FLT1: variants seen among roughly 807,000 people sequenced by gnomAD.
FLT1 encodes fms related receptor tyrosine kinase 1, also known as vascular endothelial growth factor receptor 1.
Under a neutral mutation model 156.3 loss-of-function variants are expected in FLT1, and 49 were observed. The observed-to-expected ratio is 0.31, with a 90% CI of 0.25 to 0.40. FLT1 has a LOEUF of 0.40. Among genes scored for constraint, FLT1 ranks in the 10% least tolerant of loss-of-function variants. The pLI is 1.00. For missense variants in FLT1, 1,322 were observed against 1,637.2 expected (o/e 0.81, Z 3.32); for synonymous variants, 594 against 583.8 (o/e 1.02, Z -0.25).
intron 1 of FLT1, among the ~76,000 whole-genome samples, chr13:28,480,962 T>C (rs1880802653): frequency 6.6e-6 from 1 of 152,260 alleles, no homozygotes; most frequent in Non-Finnish European, 1.5e-5. Context: ...CAGGACTTCA[T>C]GTTCTTAACG....
In FLT1 at chr13:28,484,524, G is replaced by A. The variant is rs188397570; in HGVS notation, c.64+10256C>T. 5.4e-3 allele frequency among the ~76,000 whole-genome samples: 821 copies of A among 152,264 alleles called. 10 individuals are homozygous for A. Among genetic ancestry groups the A allele is most frequent in the African/African-American group, 0.018 (768 of 41,536 alleles). On this transcript the variant is annotated intron_variant, in intron 1 of 29. Transcript: ENST00000282397. Reference sequence around the variant, plus strand: ...TTTTGGGAGGTCCTTGAATGCCTACGATAAGAAAACTCACATGATTAAAAT... The same window carrying A: ...TTTTGGGAGGTCCTTGAATGCCTACAATAAGAAAACTCACATGATTAAAAT...
At chr13:28,431,033 A>C in intron 7 of FLT1, 103 bp downstream of exon 7, 1 of 1,018,840 alleles carries the variant, frequency 9.8e-7, no homozygotes, top group Non-Finnish European at 1.6e-6. Flanking sequence ...CATTCATGAT[A>C]ATGTAACTCT....
rs1022180794 is a variant in FLT1, at chr13:28,363,682, C to T, written c.2117-5997G>A. Among the ~76,000 whole-genome samples the T allele has an allele frequency of 8.6e-5, 13 of 151,452 alleles. No homozygotes were observed. The East Asian group carries it at 1.2e-3, about 14-fold the overall frequency. Reference sequence around the variant, plus strand: ...AGGCTGGAGTGCAGTGGTGCAATCTCGGTTCACTGCAACCTTTGCCTCCTG... The same window carrying T: ...AGGCTGGAGTGCAGTGGTGCAATCTTGGTTCACTGCAACCTTTGCCTCCTG... On this transcript the variant is annotated intron_variant, in intron 14 of 29. Transcript: ENST00000282397.
chr13:28,313,894 A>T (rs1340752601), intron 25 of FLT1, among the ~76,000 whole-genome samples: 2 of 72,698 alleles, frequency 2.8e-5, no homozygotes, highest in African/African-American at 5.7e-5. Context: ...GAGGTAAAAA[A>T]AAAAAAAAAA....
At chr13:28,437,473 C>G (rs1878095778) in intron 4 of FLT1, among the ~76,000 whole-genome samples, 1 of 152,144 alleles carries the variant, frequency 6.6e-6, no homozygotes, top group African/African-American at 2.4e-5. Context: ...TTGACTTTCT[C>G]TCTTAAAGTT....
At chr13:28,420,391 AT>A (rs1244655384) in intron 10 of FLT1, among the ~76,000 whole-genome samples, 3 of 152,224 alleles carry the variant, frequency 2.0e-5, no homozygotes, top group Non-Finnish European at 4.4e-5. Context: ...GTAAATTAAA[AT>A]TCTCTGTAGC....
chr13:28,393,857 G>A (rs752736855), intron 12 of FLT1, among the ~76,000 whole-genome samples: 1 of 152,192 alleles, frequency 6.6e-6, no homozygotes, highest in Non-Finnish European at 1.5e-5. Context: ...AAAGTGCTGG[G>A]ATGACAGGCG....
At chr13:28,379,258 T>C (rs1195584352) in intron 14 of FLT1, among the ~76,000 whole-genome samples, 1 of 152,040 alleles carries the variant, frequency 6.6e-6, no homozygotes, top group Admixed American at 6.6e-5. Context: ...CACCAGAACC[T>C]GGGAGGCGGA....
chr13:28,478,980 G>A (rs571057455), intron 1 of FLT1, among the ~76,000 whole-genome samples: 3 of 152,316 alleles, frequency 2.0e-5, no homozygotes, highest in South Asian at 2.1e-4. Context: ...TTGGAAGGCC[G>A]AATGTGATAA....
chr13:28,303,591 T>TG (rs1428631572), intron 29 of FLT1, among the ~76,000 whole-genome samples: 1 of 150,426 alleles, frequency 6.6e-6, no homozygotes, highest in African/African-American at 2.4e-5. Flanking sequence ...AGACAGTGGC[T>TG]GGGGGAGGGT....
Position 28,301,507 on chromosome 13 carries a change from C to T in FLT1, c.*1660G>A, listed in dbSNP as rs1294580641. On this transcript the variant is annotated 3_prime_UTR_variant, in exon 30 of 30. Transcript: ENST00000282397. Reference sequence around the variant, plus strand: ...TAAACAAGGATGTGGCACATAAGAACAGAGGCATACATTCTTCGGTTACTT... The same window carrying T: ...TAAACAAGGATGTGGCACATAAGAATAGAGGCATACATTCTTCGGTTACTT... The T allele has an allele frequency of 8.6e-6, 2 of 233,018 alleles. No homozygotes were observed. The highest frequency in any genetic ancestry group is 1.7e-5 in the Non-Finnish European group (2 of 117,962). 14.4% of individuals were successfully genotyped at this position (233,018 alleles called of 1,614,324 possible). A position where few individuals can be genotyped will look rare whatever the true frequency, so the allele number is the denominator to read the frequency against.
At chr13:28,368,660 A>G (rs916450501) in intron 14 of FLT1, 5 of 937,224 alleles carry the variant, frequency 5.3e-6, no homozygotes, top group African/African-American at 1.7e-5. Flanking sequence ...TGATGTATAC[A>G]GTTCTAGGTA....
chr13:28,303,312 C>A lies in FLT1; in HGVS notation c.3872G>T (p.Ser1291Ile). Residue 1291 changes from serine to isoleucine, a missense_variant, in exon 30 of 30, where the codon AGT becomes ATT. Coordinates refer to ENST00000282397, the MANE Select transcript of FLT1 (RefSeq NM_002019.4). ...ESGLSDVSRPSFCHSSCGHVS... is the reference protein window; with the variant it reads ...ESGLSDVSRPIFCHSSCGHVS... ...GTGCCCACAGCTGGAATGGCAGAAA[C>A]TGGGCCTGCTGACATCAGACAGCCC... The A allele has an allele frequency of 6.2e-7, 1 of 1,614,174 alleles. No individual in the cohort carries two copies. The highest frequency in any genetic ancestry group is 8.5e-7 in the Non-Finnish European group (1 of 1,180,044).
Position 28,441,626 on chromosome 13 carries a change from A to G in FLT1, c.389-3281T>C, listed in dbSNP as rs193207972. Among the ~76,000 whole-genome samples the G allele has an allele frequency of 1.2e-4, 19 of 152,254 alleles. No individual in the cohort carries two copies. In the East Asian group the frequency reaches 2.3e-3, roughly 19 times the overall value. Reference sequence around the variant, plus strand: ...TATATTGATATAGTGGCATAGGAAAAAGGATTGGAAACAAACATACTAAAA... The same window carrying G: ...TATATTGATATAGTGGCATAGGAAAGAGGATTGGAAACAAACATACTAAAA... On this transcript the variant is annotated intron_variant, in intron 3 of 29. Coordinates refer to ENST00000282397, the MANE Select transcript of FLT1 (RefSeq NM_002019.4).
intron 17 of FLT1, among the ~76,000 whole-genome samples, chr13:28,338,824 G>A (rs1052781017): frequency 3.9e-5 from 6 of 151,924 alleles, no homozygotes; most frequent in East Asian, 1.9e-4. Context: ...CTCTCTCTCC[G>A]CCGCCCTTCA....
Position 28,434,352 on chromosome 13 carries a change from C to A in FLT1, c.514-132G>T, listed in dbSNP as rs1262075284. On this transcript the variant is annotated intron_variant, in intron 4 of 29. Coordinates refer to ENST00000282397, the MANE Select transcript of FLT1 (RefSeq NM_002019.4). Reference sequence around the variant, plus strand: ...GTAAAACTTTGTAGTTTGCTTATAACAAACTAGGTTAAAAACTCTAGTTTG... The same window carrying A: ...GTAAAACTTTGTAGTTTGCTTATAAAAAACTAGGTTAAAAACTCTAGTTTG... 2.7e-5 allele frequency: 23 copies of A among 842,030 alleles called. No homozygotes were observed. The South Asian group carries it at 2.9e-4, about 11-fold the overall frequency. The allele number at this position is 842,030 out of a possible 1,614,324, so 52.2% of individuals were successfully genotyped here.
At chr13:28,468,204 A>G (rs1879956562) in intron 1 of FLT1, among the ~76,000 whole-genome samples, 1 of 152,202 alleles carries the variant, frequency 6.6e-6, no homozygotes. Context: ...TAGAATCAAA[A>G]TCAGTTTTAG....
intron 14 of FLT1, among the ~76,000 whole-genome samples, chr13:28,372,566 G>GTGTATATATA (rs1555232432): frequency 2.1e-4 from 19 of 91,450 alleles, no homozygotes; most frequent in African/African-American, 6.7e-4. Flanking sequence ...TAAATAAAAT[G>GTGTATATATA]TATATATATA....
At chr13:28,406,787 A>G (rs1875829585) in intron 10 of FLT1, among the ~76,000 whole-genome samples, 3 of 152,176 alleles carry the variant, frequency 2.0e-5, no homozygotes, top group Admixed American at 1.3e-4. Flanking sequence ...ATTATAGGCT[A>G]AGTGAAATTT....
Sources: gnomAD v4.1 joint callset for allele counts (sites outside exome capture counted in the v4.1 genomes callset) on GRCh38, gnomAD v4.1.1 for gene constraint, MANE v1.5 for transcripts, NCBI Gene and HGNC (gene_info 2026-07-23, HGNC 2026-07-21) for gene names.